The following NGEF variants were observed in gnomAD, a reference collection of about 807,000 sequenced individuals.
NGEF encodes ephexin-1.
A neutral mutation model predicts 80.9 loss-of-function variants in NGEF; 31 were observed. The observed-to-expected ratio is 0.38, with a 90% CI of 0.29 to 0.52. NGEF has a LOEUF of 0.52. NGEF is among the 20% of genes least tolerant of loss of function. NGEF has a pLI of 0.84. For synonymous variants in NGEF, 371 were observed against 370.2 expected, an observed-to-expected ratio of 1.00 and a Z score of -0.03; for missense variants, 709 against 926.2, an observed-to-expected ratio of 0.77 and a Z score of 3.04.
chr2:232,959,535 G>A (rs1218988744), intron 3 of NGEF, among the ~76,000 whole-genome samples: 1 of 150,910 alleles, frequency 6.6e-6, no homozygotes, highest in Non-Finnish European at 1.5e-5. Flanking sequence ...TCGCCATGCT[G>A]TACATGAGCC....
chr2:232,957,893 G>T (rs143173647), intron 3 of NGEF, among the ~76,000 whole-genome samples: 115 of 152,304 alleles, frequency 7.6e-4, no homozygotes, highest in Non-Finnish European at 1.4e-3. Flanking sequence ...AAAACATTTA[G>T]AACTGCTGAA....
In NGEF at chr2:232,881,146, C is replaced by T. The variant is rs774084146; in HGVS notation, c.1942G>A (p.Gly648Arg). ...ILNILDKTDDGWIFGERLHDQ... is the reference protein window; with the variant it reads ...ILNILDKTDDRWIFGERLHDQ... ...CCGAGGGGAGGTCCCTGGGCCTCAC[C>T]GTCGTCAGTCTTGTCCAGGATGTTG... is the stretch of plus-strand genomic sequence containing the variant. Residue 648 changes from glycine (G) to arginine (R), a missense_variant and splice_region_variant, in exon 14 of 15, where the codon GGG (glycine) becomes AGG (arginine). Physicochemically the swap from Gly to Arg is moderately radical, Grantham distance 125. Coordinates refer to ENST00000264051, the MANE Select transcript of NGEF (RefSeq NM_019850.3). The T allele has an allele frequency of 2.5e-6, 4 of 1,611,948 alleles. No individual in the cohort carries two copies. The highest frequency in any genetic ancestry group is 1.1e-5 in the South Asian group (1 of 91,068).
intron 3 of NGEF, among the ~76,000 whole-genome samples, chr2:232,943,097 T>G (rs924361563): frequency 6.6e-6 from 1 of 152,134 alleles, no homozygotes; most frequent in Admixed American, 6.5e-5. Flanking sequence ...CAGTGGGCTG[T>G]CTAGGCCTGC....
At chr2:233,005,036 C>T (rs2106345706) in intron 1 of NGEF, among the ~76,000 whole-genome samples, 1 of 152,322 alleles carries the variant, frequency 6.6e-6, no homozygotes, top group East Asian at 1.9e-4. Flanking sequence ...TTTCTCTACT[C>T]CTTCGTCAGG....
At chr2:232,959,696 C>G (rs1308834224) in intron 3 of NGEF, among the ~76,000 whole-genome samples, 1 of 151,968 alleles carries the variant, frequency 6.6e-6, no homozygotes, top group Non-Finnish European at 1.5e-5. Flanking sequence ...TCTCCTGCCT[C>G]AGTCTCCCGA....
At chr2:232,972,178 A>T (rs1467283000) in intron 2 of NGEF, among the ~76,000 whole-genome samples, 1 of 152,178 alleles carries the variant, frequency 6.6e-6, no homozygotes, top group African/African-American at 2.4e-5. Context: ...ATTTTATGCA[A>T]TCTAATTCCA....
chr2:232,940,994 G>A (rs561497200), intron 3 of NGEF, among the ~76,000 whole-genome samples: 2 of 152,330 alleles, frequency 1.3e-5, no homozygotes, highest in East Asian at 1.9e-4. Flanking sequence ...TGGGCTGGCT[G>A]TGCGGGAGAC....
chr2:232,902,950 C>T (rs984608965), intron 5 of NGEF, among the ~76,000 whole-genome samples: 7 of 152,228 alleles, frequency 4.6e-5, no homozygotes, highest in Non-Finnish European at 8.8e-5. Context: ...GCTGAGATCG[C>T]GCCACTGCAC....
intron 7 of NGEF, 40 bp from the exon 8 acceptor site, chr2:232,891,527 G>A: frequency 1.3e-6 from 2 of 1,595,870 alleles, no homozygotes; most frequent in Middle Eastern, 1.7e-4. Context: ...CTGAGCTGCA[G>A]GAGGCATGAA....
chr2:232,916,698 T>G (rs1194689536), intron 5 of NGEF, among the ~76,000 whole-genome samples: 1 of 152,226 alleles, frequency 6.6e-6, no homozygotes, highest in Non-Finnish European at 1.5e-5. Flanking sequence ...ACAGCAGGGC[T>G]AGGGAGGGTG....
rs570095129 is a variant in NGEF at position 232,900,941 on chromosome 2, C to A, written c.829-6025G>T. 5.1e-4 allele frequency among the ~76,000 whole-genome samples: 77 copies of A among 152,332 alleles called. 1 individual carries two copies. In the Middle Eastern group the frequency reaches 0.01, roughly 20 times the overall value. ...GGGGCTGCTCTGGGGTGGTGACGTC[C>A]GGCGGCCTCAGATCAGCCAGGTCCC... is the stretch of plus-strand genomic sequence containing the variant. On this transcript the variant is annotated intron_variant, in intron 5 of 14. Transcript: ENST00000264051.
intron 3 of NGEF, among the ~76,000 whole-genome samples, chr2:232,928,510 C>T (rs887672633): frequency 6.6e-6 from 1 of 152,192 alleles, no homozygotes; most frequent in Admixed American, 6.5e-5. Flanking sequence ...CTGGGCACCC[C>T]CTGCGGTCTC....
intron 14 of NGEF, 80 bp from the exon 15 acceptor site, chr2:232,879,759 C>G: frequency 7.1e-7 from 1 of 1,406,628 alleles, no homozygotes; most frequent in Non-Finnish European, 9.8e-7. Context: ...TGGCCAGGGC[C>G]CCCATCTGTG....
intron 12 of NGEF, 107 bp downstream of exon 12, chr2:232,883,204 A>G: frequency 7.4e-7 from 1 of 1,357,368 alleles, no homozygotes; most frequent in Non-Finnish European, 1.0e-6. Flanking sequence ...GGCTCCACAC[A>G]GAGCGTGTGT....
chr2:232,913,346 A>T (rs1209538484), intron 5 of NGEF, among the ~76,000 whole-genome samples: 1 of 152,232 alleles, frequency 6.6e-6, no homozygotes. Context: ...GTCAGAGAAC[A>T]TACTTTCTAT....
chr2:232,977,119 G>A (rs188101710), intron 1 of NGEF, among the ~76,000 whole-genome samples: 9 of 152,280 alleles, frequency 5.9e-5, no homozygotes, highest in African/African-American at 1.9e-4. Context: ...GAGGGGATGA[G>A]GTTGCAATAA....
intron 3 of NGEF, among the ~76,000 whole-genome samples, chr2:232,961,056 C>A (rs533637142): frequency 1.3e-5 from 2 of 152,252 alleles, no homozygotes; most frequent in East Asian, 3.9e-4. Context: ...GGTTGGTATA[C>A]CAAAGAGGAC....
At chr2:233,009,858 G>T (rs1695166695) in intron 1 of NGEF, among the ~76,000 whole-genome samples, 1 of 151,974 alleles carries the variant, frequency 6.6e-6, no homozygotes, top group African/African-American at 2.4e-5. Flanking sequence ...TGGCATCTTG[G>T]GTTGGGCCAT....
chr2:232,897,333 G>C (rs4973567), intron 5 of NGEF, among the ~76,000 whole-genome samples: 21,477 of 151,960 alleles, frequency 0.14, 1,808 homozygotes, highest in South Asian at 0.27. Flanking sequence ...TTTGCAGGCT[G>C]TTTCACTTAA....
Sources: gnomAD v4.1 joint callset for allele counts (sites outside exome capture counted in the v4.1 genomes callset) on GRCh38, gnomAD v4.1.1 for gene constraint, MANE v1.5 for transcripts, NCBI Gene and HGNC (gene_info 2026-07-23, HGNC 2026-07-21) for gene names.